FAF1: variants seen among roughly 807,000 people sequenced by gnomAD.
The protein encoded by FAF1 is FAS-associated factor 1.
A neutral mutation model predicts 92.5 loss-of-function variants in FAF1; 25 were observed. The ratio of observed to expected loss-of-function variants is 0.27; its 90% CI spans 0.20 to 0.38. The LOEUF (loss-of-function observed/expected upper bound fraction) is 0.38, where lower values mean the gene tolerates loss of function less well. Ranked by LOEUF, FAF1 falls within the 10% of genes least tolerant of loss-of-function variation. FAF1 has a pLI of 1.00. For synonymous variants in FAF1, 234 were observed against 273.2 expected (o/e 0.86, Z 1.42); for missense variants, 636 against 793.3 (o/e 0.80, Z 2.38).
chr1:50,841,272 T>G (rs1253869071), intron 2 of FAF1, among the ~76,000 whole-genome samples: 1 of 152,066 alleles, frequency 6.6e-6, no homozygotes, highest in Non-Finnish European at 1.5e-5. Flanking sequence ...CATTTACGTA[T>G]TTTCTCTCAT....
At chr1:50,934,361 G>T (rs998655880) in intron 1 of FAF1, among the ~76,000 whole-genome samples, 1 of 152,046 alleles carries the variant, frequency 6.6e-6, no homozygotes, top group East Asian at 1.9e-4. Flanking sequence ...ACAACCCAAA[G>T]AAATTTCTTT....
At chr1:50,518,154 C>T (rs1035200267) in intron 15 of FAF1, among the ~76,000 whole-genome samples, 3 of 152,036 alleles carry the variant, frequency 2.0e-5, no homozygotes, top group Non-Finnish European at 4.4e-5. Flanking sequence ...AGCCGCTGAC[C>T]AGTTCTCTGT....
chr1:50,817,821 G>T (rs951887753), intron 2 of FAF1, among the ~76,000 whole-genome samples: 49 of 152,110 alleles, frequency 3.2e-4, no homozygotes, highest in African/African-American at 1.1e-3. Flanking sequence ...TCTTTAAATA[G>T]GTGAATTCCA....
chr1:50,782,458 A>T (rs1425342104), intron 4 of FAF1, among the ~76,000 whole-genome samples: 1 of 152,192 alleles, frequency 6.6e-6, no homozygotes, highest in East Asian at 1.9e-4. Flanking sequence ...AAAAGCTTAC[A>T]GAAAAAGGAT....
chr1:50,833,103 A>G (rs891551042), intron 2 of FAF1, among the ~76,000 whole-genome samples: 6 of 152,034 alleles, frequency 3.9e-5, no homozygotes, highest in African/African-American at 1.2e-4. Flanking sequence ...CAACAATTCA[A>G]TTCTATTCTG....
chr1:50,868,533 A>T (rs1644501352), intron 1 of FAF1, among the ~76,000 whole-genome samples: 1 of 151,996 alleles, frequency 6.6e-6, no homozygotes, highest in South Asian at 2.1e-4. Flanking sequence ...TTCTAATGTA[A>T]GCATTTATAG....
In FAF1 at chr1:50,527,093, G is replaced by C. The variant is rs374213310; in HGVS notation, c.1494+8276C>G. Among the ~76,000 whole-genome samples the C allele has an allele frequency of 2.1e-4, 32 of 152,112 alleles. No homozygotes were observed. In the South Asian group the frequency reaches 4.8e-3, roughly 23 times the overall value. On this transcript the variant is annotated intron_variant, in intron 15 of 18. Coordinates refer to ENST00000396153, the MANE Select transcript of FAF1 (RefSeq NM_007051.3). The stretch of plus-strand genomic sequence containing the variant: ...GCTGGTCTCAAACTCCCAGCCTCAA[G>C]TATCTGCCCACCTCGGCCTACCAAA...
intron 6 of FAF1, among the ~76,000 whole-genome samples, chr1:50,713,999 C>T (rs988392490): frequency 6.7e-6 from 1 of 150,314 alleles, no homozygotes; most frequent in Non-Finnish European, 1.5e-5. Context: ...TCTGGAACTC[C>T]TGACCTCGTG....
At chr1:50,743,043 G>A (rs776483902) in intron 5 of FAF1, among the ~76,000 whole-genome samples, 6 of 151,972 alleles carry the variant, frequency 3.9e-5, no homozygotes, top group Admixed American at 1.3e-4. Context: ...TATTGTCTAC[G>A]GCTGCTTTCC....
chr1:50,818,578 C>CA (rs1644000148), intron 2 of FAF1, among the ~76,000 whole-genome samples: 1 of 152,208 alleles, frequency 6.6e-6, no homozygotes, highest in Admixed American at 6.5e-5. Flanking sequence ...ATAAATCTCT[C>CA]AGACATTATG....
At chr1:50,910,870 G>A (rs753093678) in intron 1 of FAF1, among the ~76,000 whole-genome samples, 8 of 152,024 alleles carry the variant, frequency 5.3e-5, no homozygotes, top group East Asian at 3.9e-4. Context: ...CTCACACTCC[G>A]TGGGCTGCAC....
At chr1:50,543,860 A>G (rs1648873967) in intron 13 of FAF1, among the ~76,000 whole-genome samples, 2 of 152,202 alleles carry the variant, frequency 1.3e-5, no homozygotes, top group South Asian at 4.1e-4. Context: ...AAAATTTTAA[A>G]CATTTACAAC....
intron 4 of FAF1, among the ~76,000 whole-genome samples, chr1:50,749,026 T>C (rs1428256943): frequency 6.6e-6 from 1 of 152,258 alleles, no homozygotes; most frequent in African/African-American, 2.4e-5. Flanking sequence ...AAAATAATTC[T>C]GGTTCAACAC....
At chr1:50,537,630 C>A (rs2149039018) in intron 14 of FAF1, among the ~76,000 whole-genome samples, 1 of 152,178 alleles carries the variant, frequency 6.6e-6, no homozygotes, top group South Asian at 2.1e-4. Flanking sequence ...ATAAATATTA[C>A]ATTTTTATGA....
intron 1 of FAF1, among the ~76,000 whole-genome samples, chr1:50,941,003 A>C (rs1174763257): frequency 1.3e-5 from 2 of 152,056 alleles, no homozygotes; most frequent in Admixed American, 1.3e-4. Context: ...GGGATCAAAA[A>C]ATACTTGGAT....
intron 6 of FAF1, among the ~76,000 whole-genome samples, chr1:50,711,142 T>C (rs997952121): frequency 4.6e-5 from 7 of 152,152 alleles, no homozygotes; most frequent in Middle Eastern, 6.8e-3. Flanking sequence ...ACTCCTGACC[T>C]CGTGATCTGC....
Position 50,959,993 on chromosome 1 carries a change from T to C in FAF1, c.-182A>G, listed in dbSNP as rs1355492863. 2.5e-6 allele frequency: 1 copy of C among 394,022 alleles called. No homozygotes were observed. The allele number at this position is 394,022 out of a possible 1,614,324, so 24.4% of individuals were successfully genotyped here. On this transcript the variant is annotated 5_prime_UTR_variant, in exon 1 of 19. An upstream start codon of the reference 5' UTR is lost. Transcript: ENST00000396153. ...CAGCGCGGGAAGCGCTAGGCGCTCA[T>C]GCACTCGGTAACCTTCAGGCGCCCC...
chr1:50,694,314 T>C (rs1362332889), intron 7 of FAF1, among the ~76,000 whole-genome samples: 2 of 152,106 alleles, frequency 1.3e-5, no homozygotes, highest in Non-Finnish European at 2.9e-5. Flanking sequence ...CATGTAAATA[T>C]AATGTGCCTT....
At chr1:50,856,736 T>A (rs145895825) in intron 2 of FAF1, among the ~76,000 whole-genome samples, 2 of 151,804 alleles carry the variant, frequency 1.3e-5, no homozygotes, top group African/African-American at 2.4e-5. Flanking sequence ...GTTAAATATG[T>A]AACATGTATA....
Sources: gnomAD v4.1 joint callset for allele counts (sites outside exome capture counted in the v4.1 genomes callset) on GRCh38, gnomAD v4.1.1 for gene constraint, MANE v1.5 for transcripts, NCBI Gene and HGNC (gene_info 2026-07-23, HGNC 2026-07-21) for gene names.